Variants in MED9 observed in about 807,000 individuals in gnomAD.
The protein encoded by MED9 is mediator of RNA polymerase II transcription subunit 9.
A neutral mutation model predicts 13.2 loss-of-function variants in MED9; 8 were observed. The ratio of observed to expected loss-of-function variants is 0.61; its 90% CI spans 0.36 to 1.10. The LOEUF is 1.10. Ranked by LOEUF, MED9 falls within the 50% of genes least tolerant of loss-of-function variation. The probability of loss-of-function intolerance (pLI) is 0.02; values close to 1 mark genes in which losing one functional copy is unlikely to be tolerated. For synonymous variants in MED9, 87 were observed against 82.8 expected (o/e 1.05, Z -0.28); for missense variants, 180 against 193.4 (o/e 0.93, Z 0.41).
intron 1 of MED9, among the ~76,000 whole-genome samples, chr17:17,480,049 C>A (rs982088962): frequency 9.2e-5 from 14 of 152,156 alleles, no homozygotes; most frequent in African/African-American, 3.4e-4. Flanking sequence ...CACCTCCCAT[C>A]CCCTCCAAGC....
chr17:17,482,911 A>G (rs1026212939), intron 1 of MED9, among the ~76,000 whole-genome samples: 2 of 152,134 alleles, frequency 1.3e-5, no homozygotes, highest in Non-Finnish European at 2.9e-5. Context: ...TTTCTGATCT[A>G]CTTATGGACA....
intron 1 of MED9, among the ~76,000 whole-genome samples, chr17:17,490,035 C>T (rs1282638879): frequency 6.6e-6 from 1 of 152,204 alleles, no homozygotes; most frequent in African/African-American, 2.4e-5. Flanking sequence ...ACAGTTTTTC[C>T]CTCTTATGCC....
chr17:17,477,052 C>G lies in MED9; in HGVS notation c.11C>G (p.Ala4Gly). ...CCTACCCCCGGAGCCATGGCCTCTG[C>G]TGGGGTGGCAGCCGGGCGACAGGCG... MAS[A>G]GVAAGRQAED... is the part of the protein sequence containing the mutation. Residue 4 changes from alanine (A) to glycine (G), a missense_variant, in exon 1 of 2, where the codon GCT (alanine) becomes GGT (glycine). By Grantham distance (60) the Ala-to-Gly change is moderately conservative (BLOSUM62 0). Coordinates refer to ENST00000268711, the MANE Select transcript of MED9 (RefSeq NM_018019.3). 1 of 1,606,296 alleles carries G rather than the reference C, an allele frequency of 6.2e-7. No individual in the cohort carries two copies. The highest frequency in any genetic ancestry group is 2.2e-5 in the East Asian group (1 of 44,840).
intron 1 of MED9, 77 bp downstream of exon 1, chr17:17,477,342 C>A (rs1407929633): frequency 4.8e-6 from 7 of 1,446,544 alleles, no homozygotes; most frequent in Non-Finnish European, 6.4e-6. Context: ...TGCAAGAGGC[C>A]TTGGCGCTCT....
At chr17:17,477,916 A>G (rs1904955197) in intron 1 of MED9, among the ~76,000 whole-genome samples, 1 of 152,246 alleles carries the variant, frequency 6.6e-6, no homozygotes. Context: ...CCTTCAGGGT[A>G]GCCTGAGTTT....
At chr17:17,485,232 T>G in intron 1 of MED9, 1 of 395,814 alleles carries the variant, frequency 2.5e-6, no homozygotes, top group Non-Finnish European at 4.5e-6. Flanking sequence ...GTTTCGTCTC[T>G]GTCTACAGGC....
intron 1 of MED9, among the ~76,000 whole-genome samples, chr17:17,482,260 T>C (rs1905044038): frequency 6.6e-6 from 1 of 152,200 alleles, no homozygotes; most frequent in Non-Finnish European, 1.5e-5. Flanking sequence ...GATATGTGAA[T>C]CTGTTTGGGT....
intron 1 of MED9, among the ~76,000 whole-genome samples, chr17:17,484,359 C>T (rs546139045): frequency 5.1e-4 from 77 of 152,366 alleles, no homozygotes; most frequent in African/African-American, 1.8e-3. Context: ...GTGATGAGCA[C>T]GCTGTCTGGC....
chr17:17,484,494 C>T (rs1192296491), intron 1 of MED9, among the ~76,000 whole-genome samples: 2 of 152,250 alleles, frequency 1.3e-5, no homozygotes, highest in Non-Finnish European at 2.9e-5. Flanking sequence ...TTTTAATCTG[C>T]CCTGGCCTTC....
At chr17:17,479,933 G>T (rs890939958) in intron 1 of MED9, among the ~76,000 whole-genome samples, 4 of 152,150 alleles carry the variant, frequency 2.6e-5, no homozygotes, top group African/African-American at 9.7e-5. Flanking sequence ...CCAGATCTCA[G>T]GAACTCTAGT....
rs754028893 is a variant in MED9 at position 17,491,639 on chromosome 17, C to T, written c.*144C>T. The T allele has an allele frequency of 1.9e-5, 15 of 794,594 alleles. No homozygotes were observed. The South Asian group carries it at 2.1e-4, about 11-fold the overall frequency. The allele number at this position is 794,594 out of a possible 1,614,324, so 49.2% of individuals were successfully genotyped here. On this transcript the variant is annotated 3_prime_UTR_variant, in exon 2 of 2. Transcript: ENST00000268711. The stretch of plus-strand genomic sequence containing the variant: ...GGGGCGGGGCTCCTGTGCTGCTGCG[C>T]GCGCTTCGCCTGTGCGGGAGCCAGC...
chr17:17,487,529 G>A lies in MED9; in HGVS notation c.225-3750G>A, dbSNP rs146477735. The A allele has an allele frequency of 1.4e-3, 220 of 158,428 alleles. 1 individual carries two copies. Among genetic ancestry groups the A allele is most frequent in the African/African-American group, 5.0e-3 (208 of 41,530 alleles). 9.8% of individuals were successfully genotyped at this position (158,428 alleles called of 1,614,324 possible). Reference sequence around the variant, plus strand: ...AAGAGCTGTAACGCACACCGCGAAGGTCTGCAGCTTCCCTCCTGAGCCAGC... The same window carrying A: ...AAGAGCTGTAACGCACACCGCGAAGATCTGCAGCTTCCCTCCTGAGCCAGC... On this transcript the variant is annotated intron_variant, in intron 1 of 1. Coordinates refer to ENST00000268711, the MANE Select transcript of MED9 (RefSeq NM_018019.3).
intron 1 of MED9, among the ~76,000 whole-genome samples, chr17:17,479,854 A>T: frequency 6.6e-6 from 1 of 152,184 alleles, no homozygotes; most frequent in Non-Finnish European, 1.5e-5. Flanking sequence ...TGATTGCCAC[A>T]AAGTGGATGA....
intron 1 of MED9, chr17:17,488,050 A>AT (rs1425217403): frequency 1.3e-5 from 2 of 152,128 alleles, no homozygotes; most frequent in African/African-American, 2.4e-5. Flanking sequence ...TCATTTTTGA[A>AT]TTTTTTCCCT....
At chr17:17,487,402 A>G (rs1184363509) in intron 1 of MED9, 5 of 160,002 alleles carry the variant, frequency 3.1e-5, no homozygotes, top group Non-Finnish European at 6.8e-5. Flanking sequence ...CGCTGCTTTT[A>G]TGAGCTGTAA....
chr17:17,478,506 A>G (rs1031363171), intron 1 of MED9, among the ~76,000 whole-genome samples: 1 of 152,098 alleles, frequency 6.6e-6, no homozygotes, highest in African/African-American at 2.4e-5. Context: ...TCAAATAACT[A>G]CAAAGGCTTT....
rs116396352 is a variant in MED9 at position 17,489,806 on chromosome 17, A to G, written c.225-1473A>G. 6.1e-3 allele frequency among the ~76,000 whole-genome samples: 933 copies of G among 152,028 alleles called. 8 individuals carry two copies. The highest frequency in any genetic ancestry group is 0.021 in the African/African-American group (887 of 41,448). On this transcript the variant is annotated intron_variant, in intron 1 of 1. Coordinates refer to ENST00000268711, the MANE Select transcript of MED9 (RefSeq NM_018019.3). ...CTGGAAGAAGTGATTGATTCTCCATACCCTCCCTCTGAGTTTAGAGCTGTT... is the reference window on the plus strand; with the variant it reads ...CTGGAAGAAGTGATTGATTCTCCATGCCCTCCCTCTGAGTTTAGAGCTGTT...
chr17:17,483,171 GC>G lies in MED9; in HGVS notation c.224+5908del, dbSNP rs910212168. On this transcript the variant is annotated intron_variant, in intron 1 of 1. Transcript: ENST00000268711. This position sits in a 1 kb window ranked among gnomAD's most constrained non-coding sequence, Gnocchi z 4.2. Reference sequence around the variant, plus strand: ...TACTACTCATTGGCCAGGTCGTTGAGCCTCGCTTTTGAGTATTATAATCAGC... The same window carrying G: ...TACTACTCATTGGCCAGGTCGTTGAGCTCGCTTTTGAGTATTATAATCAGC... 6.6e-6 allele frequency among the ~76,000 whole-genome samples: 1 copy of G among 152,132 alleles called. No individual in the cohort carries two copies. The highest frequency in any genetic ancestry group is 2.4e-5 in the African/African-American group (1 of 41,410).
chr17:17,477,497 G>T, intron 1 of MED9: 1 of 527,866 alleles, frequency 1.9e-6, no homozygotes, highest in Non-Finnish European at 3.3e-6. Context: ...AGCCAGCTTA[G>T]AGACTAAATG....
Sources: gnomAD v4.1 joint callset for allele counts (sites outside exome capture counted in the v4.1 genomes callset) on GRCh38, gnomAD v4.1.1 for gene constraint, Gnocchi (gnomAD v3.1) non-coding constraint, MANE v1.5 for transcripts, NCBI Gene and HGNC (gene_info 2026-07-23, HGNC 2026-07-21) for gene names.